The following AASDH variants were observed in gnomAD, a reference collection of about 807,000 sequenced individuals.
AASDH encodes aminoadipate-semialdehyde dehydrogenase, also known as beta-alanine-activating enzyme.
A neutral mutation model predicts 102.3 loss-of-function variants in AASDH; 81 were observed. That is an observed-to-expected ratio of 0.79 (90% CI 0.66 to 0.95). AASDH has a LOEUF of 0.95. Among genes scored for constraint, AASDH ranks in the 40% least tolerant of loss-of-function variants. The pLI, the probability that AASDH is intolerant of heterozygous loss-of-function variation, is 0.00. For missense variants in AASDH, 1,203 were observed against 1,266.2 expected (o/e 0.95, Z 0.76); for synonymous variants, 398 against 454.0 (o/e 0.88, Z 1.57).
In AASDH at chr4:56,376,084, T is replaced by C. The variant is rs191732655; in HGVS notation, c.668+2064A>G. On this transcript the variant is annotated intron_variant, in intron 4 of 14. Coordinates refer to ENST00000205214, the MANE Select transcript of AASDH (RefSeq NM_181806.4). ...TGTCACCCAGGCTGGAATGCAGTGG[T>C]GCAATAACGGATCACTGCAGCCTTG... 4.4e-4 allele frequency among the ~76,000 whole-genome samples: 64 copies of C among 146,738 alleles called. No homozygotes were observed. The East Asian group carries it at 0.012, about 28-fold the overall frequency.
At chr4:56,352,379 G>C (rs1749114923) in intron 9 of AASDH, among the ~76,000 whole-genome samples, 1 of 152,018 alleles carries the variant, frequency 6.6e-6, no homozygotes. Flanking sequence ...GCAGAGAAAG[G>C]AAGAATTTGC....
At chr4:56,356,878 A>T (rs1042090940) in intron 5 of AASDH, 1 of 969,634 alleles carries the variant, frequency 1.0e-6, no homozygotes, top group Non-Finnish European at 1.6e-6. Context: ...TGTGGCTCGC[A>T]TCGCCAAGCT....
At chr4:56,368,357 T>A in intron 5 of AASDH, among the ~76,000 whole-genome samples, 1 of 152,256 alleles carries the variant, frequency 6.6e-6, no homozygotes, top group South Asian at 2.1e-4. Flanking sequence ...GACCCAGCCA[T>A]CCCATTACTG....
At chr4:56,370,024 A>G (rs1238225086) in intron 5 of AASDH, among the ~76,000 whole-genome samples, 2 of 151,854 alleles carry the variant, frequency 1.3e-5, no homozygotes, top group African/African-American at 2.4e-5. Context: ...AATATAACAC[A>G]CTATGGTCTG....
intron 11 of AASDH, 155 bp downstream of exon 11, chr4:56,349,108 G>T: frequency 1.3e-6 from 1 of 777,712 alleles, no homozygotes; most frequent in South Asian, 1.9e-5. Context: ...TTGACCCCAA[G>T]GCCCACAATA....
chr4:56,383,523 G>A (rs181103665), intron 2 of AASDH, among the ~76,000 whole-genome samples: 3 of 152,232 alleles, frequency 2.0e-5, no homozygotes, highest in African/African-American at 7.2e-5. Context: ...TATACTTACT[G>A]CAGAGTTCTA....
intron 5 of AASDH, chr4:56,356,898 A>G: frequency 1.1e-6 from 1 of 945,848 alleles, no homozygotes; most frequent in Non-Finnish European, 1.7e-6. Context: ...TCGAAAAGGC[A>G]AACGCTAAAG....
chr4:56,371,298 C>CA (rs1030972141), intron 5 of AASDH, among the ~76,000 whole-genome samples, 153 bp downstream of exon 5: 4 of 151,894 alleles, frequency 2.6e-5, no homozygotes, highest in African/African-American at 7.3e-5. Context: ...AAATAAACAA[C>CA]AAAAAAAGTC....
At chr4:56,380,128 G>A (rs1752798210) in intron 3 of AASDH, among the ~76,000 whole-genome samples, 1 of 152,172 alleles carries the variant, frequency 6.6e-6, no homozygotes, top group Admixed American at 6.5e-5. Flanking sequence ...GTTACAAGAG[G>A]AGTGGTTAGA....
At position 56,354,723 on chromosome 4, in the gene AASDH, T is replaced by C. The variant is rs1749392752; in HGVS notation, c.1192A>G (p.Ser398Gly). The C allele has an allele frequency of 2.5e-6, 4 of 1,601,282 alleles. No individual in the cohort carries two copies. Among genetic ancestry groups the C allele is most frequent in the Non-Finnish European group, 3.4e-6 (4 of 1,175,042 alleles). Residue 398 changes from serine to glycine, a missense_variant, in exon 7 of 15, where the codon AGT (serine) becomes GGT (glycine). Transcript: ENST00000205214. ...DTNGFTIQEG[S>G]GQVFLGGRNR... ...AAACAACCTAAAAATACTTGGCCAC[T>C]GCCTTCCTGAATTGTGAAGCCATTA...
At chr4:56,338,925 G>A (rs1048622849) in intron 14 of AASDH, 134 bp from the exon 15 acceptor site, 3 of 893,288 alleles carry the variant, frequency 3.4e-6, no homozygotes, top group Non-Finnish European at 4.9e-6. Context: ...CAGACAAAAT[G>A]GCTTTTTCTG....
intron 13 of AASDH, 41 bp from the exon 14 acceptor site, chr4:56,343,007 C>A: frequency 6.7e-7 from 1 of 1,502,978 alleles, no homozygotes; most frequent in Non-Finnish European, 8.9e-7. Flanking sequence ...TTATGTCATC[C>A]TACTAATCAG....
At chr4:56,351,955 G>A (rs1274523745) in intron 9 of AASDH, among the ~76,000 whole-genome samples, 1 of 150,878 alleles carries the variant, frequency 6.6e-6, no homozygotes, top group Admixed American at 6.6e-5. Context: ...GAAAAAAGGA[G>A]CTAATATTTA....
At chr4:56,362,038 T>A (rs1392035508) in intron 5 of AASDH, among the ~76,000 whole-genome samples, 1 of 152,096 alleles carries the variant, frequency 6.6e-6, no homozygotes, top group Non-Finnish European at 1.5e-5. Flanking sequence ...AGTATGTAAA[T>A]AAAAAATGTC....
chr4:56,360,483 G>T (rs2109923100), intron 5 of AASDH, among the ~76,000 whole-genome samples: 1 of 152,326 alleles, frequency 6.6e-6, no homozygotes, highest in East Asian at 1.9e-4. Flanking sequence ...TTGGGGTGGG[G>T]ATGATAGGAG....
At position 56,338,497 on chromosome 4, in the gene AASDH, A is replaced by C. The variant is rs753959085; in HGVS notation, c.3202T>G (p.Phe1068Val). The change falls in exon 15 of 15, where the codon TTC (phenylalanine) becomes GTC (valine). Residue 1068 changes from phenylalanine to valine, a missense_variant. By Grantham distance (50) the Phe-to-Val change is conservative. Transcript: ENST00000205214. ...QSVYELPGEV[F>V]SSPVVLESML... Reference sequence around the variant, plus strand: ...GATTCCAGGACCACAGGAGAAGAGAAGACTTCTCCAGGAAGTTCATAAACA... The same window carrying C: ...GATTCCAGGACCACAGGAGAAGAGACGACTTCTCCAGGAAGTTCATAAACA... The C allele has an allele frequency of 1.2e-6, 2 of 1,613,856 alleles. No individual in the cohort carries two copies. Among genetic ancestry groups the C allele is most frequent in the South Asian group, 1.1e-5 (1 of 90,992 alleles).
At chr4:56,382,807 C>T (rs140739014) in intron 2 of AASDH, among the ~76,000 whole-genome samples, 1 of 152,328 alleles carries the variant, frequency 6.6e-6, no homozygotes, top group East Asian at 1.9e-4. Flanking sequence ...CGGTGGCTCA[C>T]GCCTGTAATC....
rs1395507452 is a variant in AASDH at position 56,353,548 on chromosome 4, T to A, written c.1432A>T (p.Asn478Tyr). ...QVESCAVTWY[N>Y]QEKLILFMVS... Reference sequence around the variant, plus strand: ...ATGAAGAGAATTAATTTTTCCTGATTATACCATGTAACTGCACAAGACTCC... The same window carrying A: ...ATGAAGAGAATTAATTTTTCCTGATAATACCATGTAACTGCACAAGACTCC... Residue 478 changes from asparagine to tyrosine, a missense_variant, in exon 9 of 15, where the codon AAT (asparagine) becomes TAT (tyrosine). Transcript: ENST00000205214. 2 of 1,613,470 alleles carry A rather than the reference T, an allele frequency of 1.2e-6. No individual in the cohort carries two copies. The highest frequency in any genetic ancestry group is 2.2e-5 in the South Asian group (2 of 91,054).
intron 8 of AASDH, 27 bp from the exon 9 acceptor site, chr4:56,353,623 C>T (rs1224745974): frequency 6.5e-7 from 1 of 1,539,724 alleles, no homozygotes; most frequent in Non-Finnish European, 8.7e-7. Flanking sequence ...CCTAATTTGC[C>T]AATGAGGATA....
Sources: allele counts gnomAD v4.1 joint callset (sites outside exome capture counted in the v4.1 genomes callset), GRCh38; gene constraint gnomAD v4.1.1; transcripts MANE v1.5; gene names NCBI Gene and HGNC (gene_info 2026-07-23, HGNC 2026-07-21).